RPS6KC1: variants seen among roughly 807,000 people sequenced by gnomAD.
The protein encoded by RPS6KC1 is inactive ribosomal protein S6 kinase delta-1.
A neutral mutation model predicts 103.8 loss-of-function variants in RPS6KC1; 54 were observed. The ratio of observed to expected loss-of-function variants is 0.52; its 90% CI spans 0.42 to 0.65. RPS6KC1 has a LOEUF of 0.65. Among genes scored for constraint, RPS6KC1 ranks in the 30% least tolerant of loss-of-function variants. The pLI is 0.00. For missense variants in RPS6KC1, 1,151 were observed against 1,253.8 expected, an observed-to-expected ratio of 0.92 and a Z score of 1.24; for synonymous variants, 439 against 438.7, an observed-to-expected ratio of 1.00 and a Z score of -0.01.
intron 8 of RPS6KC1, among the ~76,000 whole-genome samples, chr1:213,215,602 G>GA (rs1430059413): frequency 6.6e-6 from 1 of 152,138 alleles, no homozygotes; most frequent in African/African-American, 2.4e-5. Context: ...TGACATGGAG[G>GA]AAAAAATGTT....
chr1:213,474,299 C>T, the RPS6KC1 span, among the ~76,000 whole-genome samples: 1 of 152,082 alleles, frequency 6.6e-6, no homozygotes, highest in African/African-American at 2.4e-5. Flanking sequence ...AGACAGCCAG[C>T]GGAAGGGACC....
the RPS6KC1 span, among the ~76,000 whole-genome samples, chr1:213,377,750 G>T: frequency 6.6e-6 from 1 of 152,198 alleles, no homozygotes; most frequent in African/African-American, 2.4e-5. Flanking sequence ...CTGATTGGGG[G>T]TGGGAAAATA....
chr1:213,303,179 C>T, the RPS6KC1 span, among the ~76,000 whole-genome samples: 1 of 152,318 alleles, frequency 6.6e-6, no homozygotes, highest in Non-Finnish European at 1.5e-5. Context: ...CTTAGGTCTT[C>T]AGCAAGCCAG....
intron 8 of RPS6KC1, among the ~76,000 whole-genome samples, chr1:213,229,732 A>C (rs2094045148): frequency 6.6e-6 from 1 of 152,154 alleles, no homozygotes; most frequent in African/African-American, 2.4e-5. Context: ...AGAGGTTATG[A>C]AGGGTCTTGA....
the RPS6KC1 span, among the ~76,000 whole-genome samples, chr1:213,606,569 A>G: frequency 6.6e-6 from 1 of 152,236 alleles, no homozygotes; most frequent in Non-Finnish European, 1.5e-5. Context: ...TACTTCAACA[A>G]TAACTGCTCT....
rs1354926914 is a variant in RPS6KC1 at position 213,241,614 on chromosome 1, T to G, written c.2138T>G (p.Phe713Cys). ...REAAAMGPTK[F>C]TQTNIGIIEN... is the part of the protein sequence containing the mutation. The stretch of plus-strand genomic sequence containing the variant: ...GCTGCAGCAATGGGACCTACTAAGT[T>G]TACACAAACTAATATAGGGATAATA... Residue 713 changes from phenylalanine (F) to cysteine (C), a missense_variant, in exon 11 of 15, where the codon TTT (phenylalanine) becomes TGT (cysteine). Physicochemically the swap from Phe to Cys is radical, Grantham distance 205 (BLOSUM62 -2). Around this residue, in one of 3 missense-constraint regions of RPS6KC1, gnomAD observed 959 missense variants for 1,006.3 expected, o/e 0.95. Transcript: ENST00000366960. 2.5e-6 allele frequency: 4 copies of G among 1,613,874 alleles called. No homozygotes were observed. The highest frequency in any genetic ancestry group is 2.5e-6 in the Non-Finnish European group (3 of 1,179,926).
At chr1:213,815,067 T>A in the RPS6KC1 span, among the ~76,000 whole-genome samples, 1 of 152,158 alleles carries the variant, frequency 6.6e-6, no homozygotes, top group Non-Finnish European at 1.5e-5. Context: ...GATGATTGAA[T>A]CATGGGGGCA....
chr1:213,333,337 T>C, the RPS6KC1 span, among the ~76,000 whole-genome samples: 1 of 152,222 alleles, frequency 6.6e-6, no homozygotes, highest in South Asian at 2.1e-4. Flanking sequence ...TGGAATGGAA[T>C]GCGTGTCATG....
At chr1:213,546,739 A>G in the RPS6KC1 span, among the ~76,000 whole-genome samples, 1 of 152,206 alleles carries the variant, frequency 6.6e-6, no homozygotes, top group Admixed American at 6.5e-5. Context: ...GAGAGTTCTC[A>G]TGTCCTCCCC....
chr1:213,244,991 T>G (rs2094431356), intron 12 of RPS6KC1, among the ~76,000 whole-genome samples: 1 of 152,178 alleles, frequency 6.6e-6, no homozygotes, highest in African/African-American at 2.4e-5. Context: ...CCTGTTAATT[T>G]TAGCAACCAG....
chr1:213,506,127 T>C, the RPS6KC1 span, among the ~76,000 whole-genome samples: 1 of 152,194 alleles, frequency 6.6e-6, no homozygotes, highest in South Asian at 2.1e-4. Flanking sequence ...GAGGGCAAGA[T>C]GGTGCCATGC....
the RPS6KC1 span, among the ~76,000 whole-genome samples, chr1:213,760,429 G>C: frequency 1.3e-5 from 2 of 152,156 alleles, no homozygotes; most frequent in African/African-American, 4.8e-5. Context: ...GGTCAGCCCT[G>C]GAGAGAGAAA....
At chr1:213,736,676 T>C in the RPS6KC1 span, among the ~76,000 whole-genome samples, 1 of 152,110 alleles carries the variant, frequency 6.6e-6, no homozygotes, top group East Asian at 1.9e-4. Context: ...ACCTCATCAT[T>C]CCAACCTTAC....
chr1:213,840,869 T>G, the RPS6KC1 span: 1 of 152,084 alleles, frequency 6.6e-6, no homozygotes, highest in African/African-American at 2.4e-5. Flanking sequence ...GGCCCCACGT[T>G]AGGGATGCTA....
chr1:213,713,621 A>G, the RPS6KC1 span, among the ~76,000 whole-genome samples: 1 of 152,194 alleles, frequency 6.6e-6, no homozygotes, highest in East Asian at 1.9e-4. Context: ...ATGTAAATGT[A>G]TGCAAGCCAC....
chr1:213,293,073 A>G, the RPS6KC1 span, among the ~76,000 whole-genome samples: 1 of 152,224 alleles, frequency 6.6e-6, no homozygotes, highest in Non-Finnish European at 1.5e-5. Flanking sequence ...TCTCCTCATT[A>G]TTATGGAAAA....
chr1:213,206,882 G>T (rs995433913), intron 8 of RPS6KC1, among the ~76,000 whole-genome samples: 1 of 152,160 alleles, frequency 6.6e-6, no homozygotes, highest in East Asian at 1.9e-4. Context: ...GGAGGCCAAG[G>T]TGGGCGGATC....
the RPS6KC1 span, among the ~76,000 whole-genome samples, chr1:213,683,535 C>A: frequency 4.6e-5 from 7 of 152,142 alleles, no homozygotes; most frequent in South Asian, 4.1e-4. Flanking sequence ...TCAGCAGGTC[C>A]TCATGGACCG....
the RPS6KC1 span, among the ~76,000 whole-genome samples, chr1:213,591,993 C>T: frequency 5.9e-5 from 9 of 152,266 alleles, no homozygotes; most frequent in East Asian, 1.4e-3. Flanking sequence ...TAGACAATTT[C>T]CAAAGGGGGT....
Sources: gnomAD v4.1 joint callset for allele counts (sites outside exome capture counted in the v4.1 genomes callset) on GRCh38, gnomAD v4.1.1 for gene constraint, gnomAD v4.1.1 regional missense constraint, MANE v1.5 for transcripts, NCBI Gene and HGNC (gene_info 2026-07-23, HGNC 2026-07-21) for gene names.